Variants in CYSLTR1 observed in about 807,000 individuals in gnomAD.
The protein encoded by CYSLTR1 is cysteinyl leukotriene receptor 1, also known as G-protein coupled receptor HG55.
In CYSLTR1, 1 loss-of-function variant was observed where a neutral mutation model predicts 2.1. That is an observed-to-expected ratio of 0.48 (90% CI 0.17 to 2.28). CYSLTR1 has a LOEUF of 2.28. CYSLTR1 is among the 30% of genes most tolerant of loss of function. The probability of loss-of-function intolerance (pLI) is 0.26; values close to 1 mark genes in which losing one functional copy is unlikely to be tolerated. For synonymous variants in CYSLTR1, 110 were observed against 89.6 expected (o/e 1.23, Z -1.28); for missense variants, 299 against 250.1 (o/e 1.20, Z -1.32).
chrX:78,323,873 T>A (rs899920616), intron 1 of CYSLTR1, among the ~76,000 whole-genome samples: 1 of 112,165 alleles, frequency 8.9e-6, no homozygotes, highest in African/African-American at 3.2e-5. Flanking sequence ...AGCAAGATAA[T>A]GACATTTTAT....
At chrX:78,326,123 AT>A (rs1341110119) in intron 1 of CYSLTR1, among the ~76,000 whole-genome samples, 2 of 111,542 alleles carry the variant, frequency 1.8e-5, no homozygotes, top group African/African-American at 3.3e-5. Flanking sequence ...ACTGGGGAAA[AT>A]TTTTTTATCA....
chrX:78,311,546 A>T (rs1187438283), intron 1 of CYSLTR1, among the ~76,000 whole-genome samples: 1 of 111,813 alleles, frequency 8.9e-6, no homozygotes, highest in Non-Finnish European at 1.9e-5. Context: ...AAGAAGTCAA[A>T]CTATCTCTCT....
chrX:78,301,987 T>C (rs747197949), intron 1 of CYSLTR1, among the ~76,000 whole-genome samples: 56 of 111,815 alleles, frequency 5.0e-4, no homozygotes, highest in Non-Finnish European at 4.0e-4. Flanking sequence ...TATAAAACCA[T>C]TGGATCTCAT....
At chrX:78,275,194 A>G (rs1263590573) in intron 2 of CYSLTR1, among the ~76,000 whole-genome samples, 4 of 112,270 alleles carry the variant, frequency 3.6e-5, no homozygotes, top group Non-Finnish European at 5.6e-5. Flanking sequence ...ATCTAGAACT[A>G]GAAATATCAT....
intron 1 of CYSLTR1, among the ~76,000 whole-genome samples, chrX:78,306,915 A>G (rs1407220407): frequency 1.8e-5 from 2 of 112,257 alleles, no homozygotes; most frequent in African/African-American, 6.5e-5. Context: ...TGACAATTGG[A>G]CTTGGTAATT....
rs1921271145 is a variant in CYSLTR1 at position 78,271,781 on chromosome X, T to C, written c.*952A>G. ...ATAGTTGTATACATATACATAAATGTATGCACTTCTTAAAAGAATTTGTAA... is the reference window on the plus strand; with the variant it reads ...ATAGTTGTATACATATACATAAATGCATGCACTTCTTAAAAGAATTTGTAA... On this transcript the variant is annotated 3_prime_UTR_variant, in exon 3 of 3. Transcript: ENST00000373304. The C allele has an allele frequency of 8.9e-6, 1 of 112,621 alleles. No homozygotes were observed. The highest frequency in any genetic ancestry group is 9.5e-5 in the Admixed American group (1 of 10,576). The allele number at this position is 112,621 out of a possible 1,213,427, so 9.3% of individuals were successfully genotyped here.
chrX:78,273,880 C>G (rs1233343402), intron 2 of CYSLTR1, 107 bp from the exon 3 acceptor site: 2 of 670,965 alleles, frequency 3.0e-6, no homozygotes, highest in East Asian at 7.1e-5. Flanking sequence ...ACCACAGCAG[C>G]AAGCAAGAGT....
intron 1 of CYSLTR1, among the ~76,000 whole-genome samples, chrX:78,307,015 T>C (rs1402800529): frequency 3.6e-5 from 4 of 111,995 alleles, no homozygotes; most frequent in Non-Finnish European, 7.5e-5. Flanking sequence ...TTAACGTGAC[T>C]TTTCAACCTC....
intron 2 of CYSLTR1, among the ~76,000 whole-genome samples, chrX:78,281,685 A>G (rs745713669): frequency 1.1e-4 from 12 of 111,727 alleles, no homozygotes; most frequent in African/African-American, 3.9e-4. Context: ...ATAATATAAT[A>G]ATTTCAAGTA....
At chrX:78,295,825 A>AT (rs1922551743) in intron 1 of CYSLTR1, among the ~76,000 whole-genome samples, 1 of 111,202 alleles carries the variant, frequency 9.0e-6, no homozygotes, top group Non-Finnish European at 1.9e-5. Flanking sequence ...GTTTGCAAAT[A>AT]TTTTCTCCCA....
At chrX:78,278,318 G>A (rs1014110255) in intron 2 of CYSLTR1, among the ~76,000 whole-genome samples, 1 of 111,382 alleles carries the variant, frequency 9.0e-6, no homozygotes, top group Non-Finnish European at 1.9e-5. Context: ...AGAAAGACAG[G>A]GAGAGAGAGC....
intron 1 of CYSLTR1, among the ~76,000 whole-genome samples, chrX:78,316,837 A>C (rs764703976): frequency 8.9e-6 from 1 of 112,181 alleles, no homozygotes; most frequent in African/African-American, 3.2e-5. Context: ...AAATCAACTC[A>C]AGATGTATCA....
intron 1 of CYSLTR1, among the ~76,000 whole-genome samples, chrX:78,285,220 C>T (rs955847781): frequency 4.6e-5 from 5 of 109,819 alleles, no homozygotes; most frequent in African/African-American, 1.3e-4. Context: ...ATCACGAGGT[C>T]AGGAGATAGG....
At position 78,325,824 on chromosome X, in the gene CYSLTR1, G is replaced by A. The variant is rs59146682; in HGVS notation, c.-115+1481C>T. Among the ~76,000 whole-genome samples, 249 of 111,601 alleles carry A rather than the reference G, an allele frequency of 2.2e-3. 2 individuals are homozygous for A. The highest frequency in any genetic ancestry group is 7.7e-3 in the African/African-American group (236 of 30,725). On this transcript the variant is annotated intron_variant, in intron 1 of 2. Coordinates refer to ENST00000373304, the MANE Select transcript of CYSLTR1 (RefSeq NM_006639.4). ...CTTCCCTTTATTATCCTTTATTATT[G>A]GTCAATTATACTGAAAATACAAATT...
chrX:78,312,154 T>C (rs958703185), intron 1 of CYSLTR1, among the ~76,000 whole-genome samples: 4 of 110,855 alleles, frequency 3.6e-5, no homozygotes, highest in Admixed American at 2.9e-4. Flanking sequence ...TGGAACACAA[T>C]ATAGAACCCA....
At chrX:78,283,148 A>G (rs2149185030) in intron 2 of CYSLTR1, among the ~76,000 whole-genome samples, 1 of 111,618 alleles carries the variant, frequency 9.0e-6, no homozygotes, top group African/African-American at 3.3e-5. Context: ...TGATCCCCCA[A>G]TAATGTTACC....
At chrX:78,311,414 G>C (rs1034000756) in intron 1 of CYSLTR1, among the ~76,000 whole-genome samples, 1 of 111,290 alleles carries the variant, frequency 9.0e-6, no homozygotes, top group African/African-American at 3.3e-5. Context: ...CTAAAACCGG[G>C]GGCCACAGAG....
intron 1 of CYSLTR1, among the ~76,000 whole-genome samples, chrX:78,318,511 C>G (rs1199917665): frequency 2.7e-5 from 3 of 111,602 alleles, no homozygotes; most frequent in Non-Finnish European, 5.6e-5. Flanking sequence ...CCTGCACATC[C>G]TGCACATGTA....
At chrX:78,317,642 C>T (rs1424956963) in intron 1 of CYSLTR1, among the ~76,000 whole-genome samples, 1 of 112,466 alleles carries the variant, frequency 8.9e-6, no homozygotes, top group Non-Finnish European at 1.9e-5. Context: ...GAATACTACT[C>T]AGCCATAAAA....
Sources: allele counts gnomAD v4.1 joint callset (sites outside exome capture counted in the v4.1 genomes callset), GRCh38; gene constraint gnomAD v4.1.1; transcripts MANE v1.5; gene names NCBI Gene and HGNC (gene_info 2026-07-23, HGNC 2026-07-21).